SCAF11: variants seen among roughly 807,000 people sequenced by gnomAD.
SCAF11 encodes the protein SR-related CTD associated factor 11.
SCAF11 carries 47 observed loss-of-function variants against 140.5 expected under a neutral mutation model. That is an observed-to-expected ratio of 0.33 (90% CI 0.26 to 0.43). The LOEUF (loss-of-function observed/expected upper bound fraction) is 0.43, where lower values mean the gene tolerates loss of function less well. SCAF11 is among the 20% of genes least tolerant of loss of function. The pLI is 1.00. For missense variants in SCAF11, 1,645 were observed against 1,705.1 expected (o/e 0.96, Z 0.62); for synonymous variants, 557 against 579.4 (o/e 0.96, Z 0.55).
intron 1 of SCAF11, among the ~76,000 whole-genome samples, chr12:45,970,067 T>C (rs939273200): frequency 1.3e-5 from 2 of 152,246 alleles, no homozygotes; most frequent in African/African-American, 4.8e-5. Context: ...AGCTAATTTT[T>C]GTATTTTTAG....
At chr12:45,961,594 G>T in intron 3 of SCAF11, 106 bp downstream of exon 3, 1 of 962,778 alleles carries the variant, frequency 1.0e-6, no homozygotes, top group South Asian at 2.0e-5. Flanking sequence ...TCCAAAGTAG[G>T]AAGAAAATAC....
chr12:45,990,054 A>G (rs1308675051), intron 1 of SCAF11, among the ~76,000 whole-genome samples: 1 of 151,890 alleles, frequency 6.6e-6, no homozygotes, highest in Non-Finnish European at 1.5e-5. Context: ...GTAGGCCACA[A>G]GGAGGAAATG....
chr12:45,936,261 C>T (rs534330908), intron 6 of SCAF11, among the ~76,000 whole-genome samples: 2 of 152,088 alleles, frequency 1.3e-5, no homozygotes, highest in East Asian at 3.9e-4. Context: ...CCTGTCTCGG[C>T]CTCCTGAGCA....
Position 45,923,096 on chromosome 12 carries a change from G to C in SCAF11, c.3965C>G (p.Pro1322Arg). 6.2e-7 allele frequency: 1 copy of C among 1,614,088 alleles called. No homozygotes were observed. The highest frequency in any genetic ancestry group is 1.6e-4 in the Middle Eastern group (1 of 6,062). The stretch of plus-strand genomic sequence containing the variant: ...TCCCGTATTTCCTGGGGCTGCTGTC[G>C]GAGCAGGCAAAACTGGTGTACTCAT... ...NNMSTPVLPA[P>R]TAAPGNTGMV... Residue 1322 changes from proline to arginine, a missense_variant, in exon 13 of 15, where the codon CCG becomes CGG. By Grantham distance (103) the Pro-to-Arg change is moderately radical. Coordinates refer to ENST00000369367, the MANE Select transcript of SCAF11 (RefSeq NM_004719.3).
At chr12:45,967,001 A>G (rs1038150610) in intron 1 of SCAF11, among the ~76,000 whole-genome samples, 2 of 152,166 alleles carry the variant, frequency 1.3e-5, no homozygotes, top group Admixed American at 6.5e-5. Context: ...CCTTTATGTA[A>G]CGCAATGATT....
chr12:45,983,974 A>T (rs184129551), intron 1 of SCAF11, among the ~76,000 whole-genome samples: 2 of 152,324 alleles, frequency 1.3e-5, no homozygotes, highest in Admixed American at 1.3e-4. Context: ...GAACACTTTT[A>T]ATTTTCACTA....
chr12:45,933,273 T>G (rs768892147), intron 8 of SCAF11, 41 bp from the exon 9 acceptor site: 1 of 1,435,972 alleles, frequency 7.0e-7, no homozygotes, highest in African/African-American at 1.4e-5. Flanking sequence ...ATCTCACAAT[T>G]TTAGGTTCAA....
At chr12:45,929,788 T>C (rs1206142028) in intron 10 of SCAF11, 1 of 152,254 alleles carries the variant, frequency 6.6e-6, no homozygotes, top group East Asian at 1.9e-4. Flanking sequence ...CTACTTAATA[T>C]ATGCACTACC....
chr12:45,956,117 G>A (rs1592200176), intron 3 of SCAF11: 1 of 716,184 alleles, frequency 1.4e-6, no homozygotes, highest in East Asian at 2.7e-5. Context: ...GGGAATTCAG[G>A]ATCCTCGATT....
chr12:45,977,815 T>G (rs534254146), intron 1 of SCAF11, among the ~76,000 whole-genome samples: 13 of 152,228 alleles, frequency 8.5e-5, no homozygotes, highest in Admixed American at 3.9e-4. Context: ...TCTTCAGCAC[T>G]GACAGTTCTG....
At chr12:45,959,967 T>C (rs1461071399) in intron 3 of SCAF11, among the ~76,000 whole-genome samples, 2 of 152,222 alleles carry the variant, frequency 1.3e-5, no homozygotes, top group African/African-American at 4.8e-5. Context: ...TAAAGATAAG[T>C]ACTTTCTTTT....
intron 1 of SCAF11, among the ~76,000 whole-genome samples, chr12:45,980,323 A>C (rs967846793): frequency 1.6e-4 from 25 of 152,214 alleles, no homozygotes; most frequent in African/African-American, 5.3e-4. Context: ...TATTACTAGG[A>C]TCCAACAGCA....
chr12:45,928,472 G>C lies in SCAF11; in HGVS notation c.1229C>G (p.Thr410Arg), dbSNP rs745957924. 1.9e-6 allele frequency: 3 copies of C among 1,613,130 alleles called. No homozygotes were observed. The highest frequency in any genetic ancestry group is 1.7e-6 in the Non-Finnish European group (2 of 1,179,414). The change falls in exon 11 of 15, where the codon ACA becomes AGA. Residue 410 changes from threonine (T) to arginine (R), a missense_variant. Physicochemically the swap from Thr to Arg is moderately conservative, Grantham distance 71. Transcript: ENST00000369367. ...CACAGGTGATGTGTCAGATTCTGCT[G>C]TTTCTTCATCTACTGAATCATTGGA... ...SSSNDSVDEE[T>R]AESDTSPVLE...
At chr12:45,962,929 T>C (rs1592207384) in intron 2 of SCAF11, among the ~76,000 whole-genome samples, 6 of 152,196 alleles carry the variant, frequency 3.9e-5, no homozygotes, top group Admixed American at 3.9e-4. Context: ...GAAAATAAGC[T>C]GTCTTGAGTG....
At chr12:45,928,905 GA>G (rs1944971940) in intron 10 of SCAF11, 46 bp from the exon 11 acceptor site, 1 of 1,211,564 alleles carries the variant, frequency 8.3e-7, no homozygotes, top group Non-Finnish European at 1.1e-6. Flanking sequence ...TATGTTTTAA[GA>G]AATAGTAATT....
chr12:45,983,246 A>G (rs1047793960), intron 1 of SCAF11, among the ~76,000 whole-genome samples: 3 of 152,144 alleles, frequency 2.0e-5, no homozygotes, highest in Non-Finnish European at 2.9e-5. Context: ...TGGTGGAGAG[A>G]TGGAAAGTAC....
chr12:45,932,075 C>A (rs1167403182), intron 9 of SCAF11, among the ~76,000 whole-genome samples: 4 of 151,912 alleles, frequency 2.6e-5, no homozygotes, highest in Admixed American at 6.6e-5. Flanking sequence ...TAACCACCAC[C>A]CCAATCAAGA....
intron 3 of SCAF11, among the ~76,000 whole-genome samples, chr12:45,959,342 G>A (rs7971936): frequency 2.0e-5 from 3 of 151,816 alleles, no homozygotes; most frequent in Admixed American, 1.3e-4. Flanking sequence ...AGATTTTAAC[G>A]TCAGGCTATC....
rs1945395834 is a variant in SCAF11, at chr12:45,945,331, G to A, written c.399-18C>T. On this transcript the variant is annotated intron_variant, in intron 5 of 14. Coordinates refer to ENST00000369367, the MANE Select transcript of SCAF11 (RefSeq NM_004719.3). ...CTTTTCTTCTGTAAACATCAATAAAGACAGGAAAGAATTAAGAAAAAAACT... is the reference window on the plus strand; with the variant it reads ...CTTTTCTTCTGTAAACATCAATAAAAACAGGAAAGAATTAAGAAAAAAACT... 1.4e-6 allele frequency: 2 copies of A among 1,442,686 alleles called. No individual in the cohort carries two copies. Among genetic ancestry groups the A allele is most frequent in the Non-Finnish European group, 1.9e-6 (2 of 1,052,786 alleles). 89.4% of individuals were successfully genotyped at this position (1,442,686 alleles called of 1,614,324 possible). A position where few individuals can be genotyped will look rare whatever the true frequency, so the allele number is the denominator to read the frequency against.
Sources: gnomAD v4.1 joint callset for allele counts (sites outside exome capture counted in the v4.1 genomes callset) on GRCh38, gnomAD v4.1.1 for gene constraint, MANE v1.5 for transcripts, NCBI Gene and HGNC (gene_info 2026-07-23, HGNC 2026-07-21) for gene names.